The following DYRK1A variants were observed in gnomAD, a reference collection of about 807,000 sequenced individuals.
DYRK1A encodes the protein dual specificity tyrosine phosphorylation regulated kinase 1A, also known as dual specificity tyrosine-phosphorylation-regulated kinase 1A.
In DYRK1A, 9 loss-of-function variants were observed where a neutral mutation model predicts 79.7. The ratio of observed to expected loss-of-function variants is 0.11; its 90% CI spans 0.07 to 0.20. DYRK1A has a LOEUF of 0.20. Ranked by LOEUF, DYRK1A falls within the 10% of genes least tolerant of loss-of-function variation. The pLI is 1.00. For synonymous variants in DYRK1A, 349 were observed against 329.7 expected (o/e 1.06, Z -0.63); for missense variants, 622 against 956.0 (o/e 0.65, Z 4.61).
At chr21:37,483,714 C>G (rs1243984541) in intron 5 of DYRK1A, among the ~76,000 whole-genome samples, 3 of 152,122 alleles carry the variant, frequency 2.0e-5, no homozygotes, top group Non-Finnish European at 4.4e-5. Context: ...TCTAGAGTAG[C>G]TGGGACTACA....
intron 1 of DYRK1A, among the ~76,000 whole-genome samples, chr21:37,401,460 A>T (rs1174642498): frequency 3.4e-5 from 5 of 147,350 alleles, no homozygotes; most frequent in African/African-American, 1.2e-4. Flanking sequence ...AGTTTTTCAG[A>T]TAGTCTTGTT....
intron 2 of DYRK1A, among the ~76,000 whole-genome samples, chr21:37,466,861 G>A (rs541561574): frequency 5.2e-4 from 79 of 151,724 alleles, no homozygotes; most frequent in Admixed American, 7.2e-4. Context: ...TTGATGAGGC[G>A]GACCATGAAG....
chr21:37,381,793 TCAAAAA>T (rs781225848), intron 1 of DYRK1A, among the ~76,000 whole-genome samples: 2 of 152,160 alleles, frequency 1.3e-5, no homozygotes, highest in South Asian at 2.1e-4. Context: ...ATACCCTGAC[TCAAAAA>T]CAAAAACAAC....
intron 2 of DYRK1A, among the ~76,000 whole-genome samples, chr21:37,438,406 CTA>C (rs2050988817): frequency 6.6e-6 from 1 of 151,138 alleles, no homozygotes; most frequent in South Asian, 2.1e-4. Flanking sequence ...ACGTTTTTGC[CTA>C]TGTTTGTTGT....
chr21:37,429,498 C>A (rs890491680), intron 2 of DYRK1A, among the ~76,000 whole-genome samples: 5 of 152,146 alleles, frequency 3.3e-5, no homozygotes, highest in Admixed American at 2.6e-4. Context: ...GCATGTCTTA[C>A]ATAGCCCCAG....
At chr21:37,509,702 G>A (rs765678629) in intron 11 of DYRK1A, among the ~76,000 whole-genome samples, 1 of 152,190 alleles carries the variant, frequency 6.6e-6, no homozygotes, top group Non-Finnish European at 1.5e-5. Flanking sequence ...TGGGATTACC[G>A]ATGTGAGCCG....
At chr21:37,494,119 T>A (rs1027329831) in intron 8 of DYRK1A, among the ~76,000 whole-genome samples, 1 of 151,974 alleles carries the variant, frequency 6.6e-6, no homozygotes, top group Admixed American at 6.6e-5. Flanking sequence ...CTCGAACTCC[T>A]GACCTCAAGT....
At chr21:37,386,271 C>A (rs944103063) in intron 1 of DYRK1A, among the ~76,000 whole-genome samples, 2 of 151,984 alleles carry the variant, frequency 1.3e-5, no homozygotes, top group Admixed American at 6.6e-5. Context: ...AAATGTAGTG[C>A]GCTTGAATCA....
intron 1 of DYRK1A, among the ~76,000 whole-genome samples, chr21:37,401,513 G>A (rs565787033): frequency 5.8e-5 from 8 of 136,822 alleles, no homozygotes; most frequent in South Asian, 2.3e-4. Flanking sequence ...ACAGAGTTTC[G>A]CTCTTGTTGC....
At chr21:37,440,589 T>G (rs1454624387) in intron 2 of DYRK1A, among the ~76,000 whole-genome samples, 1 of 152,268 alleles carries the variant, frequency 6.6e-6, no homozygotes, top group African/African-American at 2.4e-5. Context: ...TTATTTTCAT[T>G]CTTTTCAGAA....
rs1034501922 is a variant in DYRK1A, at chr21:37,368,236, G to C, written c.-77+608G>C. The C allele has an allele frequency of 5.9e-5, 9 of 152,330 alleles. No individual in the cohort carries two copies. The East Asian group carries it at 1.6e-3, about 26-fold the overall frequency. The allele number at this position is 152,330 out of a possible 1,614,324, so 9.4% of individuals were successfully genotyped here. A position where few individuals can be genotyped will look rare whatever the true frequency, so the allele number is the denominator to read the frequency against. ...GGAGCGCGAGTGTCCCCGGCGGCTC[G>C]GGGTGGAGGGATGACCTGCCCGGCA... On this transcript the variant is annotated intron_variant, in intron 1 of 11. Coordinates refer to ENST00000647188, the MANE Select transcript of DYRK1A (RefSeq NM_001347721.2).
rs2049314982 is a variant in DYRK1A, at chr21:37,366,806, G to A, written c.-899G>A. ...CGGTCCGTCGCCATTTTGTTGGTTG[G>A]TTTTTTTTTAAACCCTTTCGCTTCC... On this transcript the variant is annotated 5_prime_UTR_variant, in exon 1 of 12. Coordinates refer to ENST00000647188, the MANE Select transcript of DYRK1A (RefSeq NM_001347721.2). The A allele has an allele frequency of 6.6e-6, 1 of 151,418 alleles. No individual in the cohort carries two copies. The highest frequency in any genetic ancestry group is 2.4e-5 in the African/African-American group (1 of 41,172). The allele number at this position is 151,418 out of a possible 1,614,324, so 9.4% of individuals were successfully genotyped here. A position where few individuals can be genotyped will look rare whatever the true frequency, so the allele number is the denominator to read the frequency against.
intron 2 of DYRK1A, among the ~76,000 whole-genome samples, chr21:37,451,984 C>T (rs2051467923): frequency 6.6e-6 from 1 of 152,020 alleles, no homozygotes; most frequent in African/African-American, 2.4e-5. Context: ...TGCTGAAGAG[C>T]ACCATTGAAG....
intron 2 of DYRK1A, among the ~76,000 whole-genome samples, chr21:37,461,618 C>T (rs868205374): frequency 1.3e-5 from 2 of 152,030 alleles, no homozygotes; most frequent in African/African-American, 2.4e-5. Flanking sequence ...ATTTTGCCTT[C>T]GTTTTTGAAG....
At chr21:37,429,424 A>G (rs1053977004) in intron 2 of DYRK1A, among the ~76,000 whole-genome samples, 5 of 152,198 alleles carry the variant, frequency 3.3e-5, no homozygotes, top group African/African-American at 1.2e-4. Flanking sequence ...CAGGTTATAC[A>G]TGAAGCATGG....
rs1163509507 is a variant in DYRK1A at position 37,513,974 on chromosome 21, A to G, written c.*1443A>G. On this transcript the variant is annotated 3_prime_UTR_variant, in exon 12 of 12. Transcript: ENST00000647188. ...CAAAACTGGAACTGTTGTTGAATCC[A>G]TAGCCAATACATTTACAGCAATCTG... 2.6e-5 allele frequency: 4 copies of G among 152,646 alleles called. No individual in the cohort carries two copies. Among genetic ancestry groups the G allele is most frequent in the East Asian group, 1.9e-4 (1 of 5,198 alleles). 9.5% of individuals were successfully genotyped at this position (152,646 alleles called of 1,614,324 possible).
chr21:37,443,230 AC>A (rs1484910182), intron 2 of DYRK1A, among the ~76,000 whole-genome samples: 2 of 151,916 alleles, frequency 1.3e-5, no homozygotes, highest in Non-Finnish European at 2.9e-5. Flanking sequence ...ACTTACTGCA[AC>A]CTTCAACTCC....
intron 3 of DYRK1A, among the ~76,000 whole-genome samples, chr21:37,474,293 A>G (rs1418470362): frequency 1.3e-5 from 2 of 152,192 alleles, no homozygotes; most frequent in Non-Finnish European, 2.9e-5. Flanking sequence ...TTTATATCCA[A>G]CTAACGTCTT....
Position 37,512,683 on chromosome 21 carries a change from A to C in DYRK1A, c.*152A>C, listed in dbSNP as rs923097479. 15 of 846,762 alleles carry C rather than the reference A, an allele frequency of 1.8e-5. No individual in the cohort carries two copies. Among genetic ancestry groups the C allele is most frequent in the South Asian group, 1.5e-4 (8 of 54,122 alleles). The allele number at this position is 846,762 out of a possible 1,614,324, so 52.5% of individuals were successfully genotyped here. A position where few individuals can be genotyped will look rare whatever the true frequency, so the allele number is the denominator to read the frequency against. On this transcript the variant is annotated 3_prime_UTR_variant, in exon 12 of 12. Transcript: ENST00000647188. Reference sequence around the variant, plus strand: ...AGCTGATTTTTTTTTTAACTTGAAAAGATTGCAAAGGGACATTGAAGTGTT... The same window carrying C: ...AGCTGATTTTTTTTTTAACTTGAAACGATTGCAAAGGGACATTGAAGTGTT...
Sources: allele counts gnomAD v4.1 joint callset (sites outside exome capture counted in the v4.1 genomes callset), GRCh38; gene constraint gnomAD v4.1.1; transcripts MANE v1.5; gene names NCBI Gene and HGNC (gene_info 2026-07-23, HGNC 2026-07-21).